CNTN1: variants seen among roughly 807,000 people sequenced by gnomAD.
The protein encoded by CNTN1 is contactin 1, also known as contactin-1.
In CNTN1, 38 loss-of-function variants were observed where a neutral mutation model predicts 126.4. The observed-to-expected ratio is 0.30, with a 90% confidence interval of 0.23 to 0.39. The LOEUF (loss-of-function observed/expected upper bound fraction) is 0.39. CNTN1 is among the 10% of genes least tolerant of loss of function. CNTN1 has a pLI of 1.00. For missense variants in CNTN1, 1,009 were observed against 1,248.4 expected (o/e 0.81, Z 2.89); for synonymous variants, 413 against 422.6 (o/e 0.98, Z 0.28).
At chr12:40,705,462 T>C (rs1401743034) in intron 1 of CNTN1, among the ~76,000 whole-genome samples, 1 of 152,200 alleles carries the variant, frequency 6.6e-6, no homozygotes, top group Non-Finnish European at 1.5e-5. Context: ...TTATTCCATC[T>C]ACATCAGATC....
chr12:40,957,002 A>G (rs564263507), intron 14 of CNTN1, among the ~76,000 whole-genome samples: 1 of 152,036 alleles, frequency 6.6e-6, no homozygotes, highest in South Asian at 2.1e-4. Flanking sequence ...AAAGTTGAAG[A>G]AAGGGAGGGG....
At chr12:41,021,337 C>G (rs71449801) in intron 20 of CNTN1, among the ~76,000 whole-genome samples, 2 of 151,794 alleles carry the variant, frequency 1.3e-5, no homozygotes, top group African/African-American at 4.8e-5. Flanking sequence ...AGGGCTGCCT[C>G]TCCACCCACC....
At chr12:40,961,763 A>C (rs915658315) in intron 15 of CNTN1, among the ~76,000 whole-genome samples, 3 of 152,076 alleles carry the variant, frequency 2.0e-5, no homozygotes, top group Admixed American at 1.3e-4. Context: ...ATGATTATTC[A>C]CTTTATGCAA....
At chr12:41,018,130 T>G (rs952017384) in intron 19 of CNTN1, among the ~76,000 whole-genome samples, 6 of 152,068 alleles carry the variant, frequency 3.9e-5, no homozygotes, top group Non-Finnish European at 5.9e-5. Flanking sequence ...GCTTTCTTTA[T>G]TCATGTGCAC....
chr12:41,061,696 A>T lies in CNTN1; in HGVS notation c.2981-8263A>T, dbSNP rs764062609. The T allele has an allele frequency of 1.1e-4, 45 of 417,118 alleles. 1 individual carries two copies. Among genetic ancestry groups the T allele is most frequent in the Non-Finnish European group, 1.9e-4 (40 of 209,984 alleles). 25.8% of individuals were successfully genotyped at this position (417,118 alleles called of 1,614,324 possible). A position where few individuals can be genotyped will look rare whatever the true frequency, so the allele number is the denominator to read the frequency against. ...CTCAAATATATTATGGTTTGCCTAGAATTACAGACTCAGGGCTGTAGTAGG... is the reference window on the plus strand; with the variant it reads ...CTCAAATATATTATGGTTTGCCTAGTATTACAGACTCAGGGCTGTAGTAGG... On this transcript the variant is annotated intron_variant, in intron 23 of 23. Transcript: ENST00000551295.
chr12:40,927,098 A>C (rs1945722705), intron 6 of CNTN1, among the ~76,000 whole-genome samples: 1 of 152,132 alleles, frequency 6.6e-6, no homozygotes, highest in Non-Finnish European at 1.5e-5. Flanking sequence ...ATGGGACTGC[A>C]ATGTGCTTAC....
chr12:40,707,667 T>A (rs1026430206), intron 1 of CNTN1, among the ~76,000 whole-genome samples: 6 of 152,208 alleles, frequency 3.9e-5, no homozygotes, highest in Admixed American at 1.3e-4. Context: ...TGTTCTAATC[T>A]ACTGTGCTTG....
intron 1 of CNTN1, among the ~76,000 whole-genome samples, chr12:40,774,001 G>T (rs369783976): frequency 6.6e-6 from 1 of 151,396 alleles, no homozygotes; most frequent in East Asian, 2.0e-4. Flanking sequence ...CGGAAAAGAT[G>T]TGTTTGACTT....
At chr12:40,807,253 G>A (rs775877846) in intron 1 of CNTN1, among the ~76,000 whole-genome samples, 14 of 151,862 alleles carry the variant, frequency 9.2e-5, no homozygotes, top group Admixed American at 1.3e-4. Context: ...TGCAAGAAAA[G>A]GGGGTGTCCA....
intron 15 of CNTN1, among the ~76,000 whole-genome samples, chr12:40,965,623 T>G (rs1261958997): frequency 6.6e-6 from 1 of 152,124 alleles, no homozygotes; most frequent in Non-Finnish European, 1.5e-5. Flanking sequence ...AATCATTAAT[T>G]CTTGGATTAT....
chr12:40,912,977 C>G (rs1266586699), intron 3 of CNTN1, among the ~76,000 whole-genome samples: 5 of 152,116 alleles, frequency 3.3e-5, no homozygotes, highest in Non-Finnish European at 2.9e-5. Flanking sequence ...TCAGAAGATG[C>G]CCAGCCAGGT....
At chr12:40,967,583 G>A (rs1947353882) in intron 15 of CNTN1, among the ~76,000 whole-genome samples, 1 of 152,128 alleles carries the variant, frequency 6.6e-6, no homozygotes, top group South Asian at 2.1e-4. Context: ...AGCAGGCCTT[G>A]GGAGCTTTTA....
chr12:41,006,966 A>AGTT (rs1438514182), intron 17 of CNTN1, among the ~76,000 whole-genome samples: 2 of 147,162 alleles, frequency 1.4e-5, no homozygotes, highest in Non-Finnish European at 3.0e-5. Context: ...TACCTGAAGG[A>AGTT]GTTTGAAGGA....
chr12:40,999,838 G>A (rs552023155), intron 17 of CNTN1, among the ~76,000 whole-genome samples: 3 of 151,734 alleles, frequency 2.0e-5, no homozygotes, highest in African/African-American at 7.3e-5. Context: ...AAGTAGCTGG[G>A]ACTACAGGCG....
intron 1 of CNTN1, among the ~76,000 whole-genome samples, chr12:40,749,755 G>C (rs1433985886): frequency 4.1e-5 from 4 of 96,594 alleles, no homozygotes; most frequent in Non-Finnish European, 9.7e-5. Context: ...CAAAATCACA[G>C]AGTTTACATT....
intron 1 of CNTN1, among the ~76,000 whole-genome samples, chr12:40,745,359 G>T (rs1161129950): frequency 1.3e-5 from 2 of 152,094 alleles, no homozygotes; most frequent in African/African-American, 4.8e-5. Context: ...ATTTTAGGGG[G>T]CCATGAGACA....
chr12:41,012,588 A>G (rs1238591989), intron 17 of CNTN1, among the ~76,000 whole-genome samples: 1 of 152,206 alleles, frequency 6.6e-6, no homozygotes, highest in African/African-American at 2.4e-5. Context: ...CCAGCCCCAC[A>G]TGACGGCTGA....
chr12:40,768,314 C>T (rs999457178), intron 1 of CNTN1, among the ~76,000 whole-genome samples: 14 of 152,178 alleles, frequency 9.2e-5, no homozygotes, highest in African/African-American at 3.1e-4. Context: ...TTGGTTCCTC[C>T]ACCGCGAGCC....
At chr12:41,042,907 C>A (rs1249301320) in intron 23 of CNTN1, among the ~76,000 whole-genome samples, 1 of 152,030 alleles carries the variant, frequency 6.6e-6, no homozygotes, top group East Asian at 1.9e-4. Flanking sequence ...GGAAAGGATT[C>A]CCTATTTAAT....
Sources: gnomAD v4.1 joint callset for allele counts (sites outside exome capture counted in the v4.1 genomes callset) on GRCh38, gnomAD v4.1.1 for gene constraint, MANE v1.5 for transcripts, NCBI Gene and HGNC (gene_info 2026-07-23, HGNC 2026-07-21) for gene names.